CHSY1: variants seen among roughly 807,000 people sequenced by gnomAD.
CHSY1 encodes the protein N-acetylgalactosaminyl-proteoglycan 3-beta-glucuronosyltransferase 1.
Under a neutral mutation model 59.8 loss-of-function variants are expected in CHSY1, and 13 were observed. The ratio of observed to expected loss-of-function variants is 0.22; its 90% CI spans 0.14 to 0.35. The LOEUF is 0.35. CHSY1 is among the 10% of genes least tolerant of loss of function. CHSY1 has a pLI of 1.00. For missense variants in CHSY1, 947 were observed against 1,030.6 expected, an observed-to-expected ratio of 0.92 and a Z score of 1.11; for synonymous variants, 459 against 401.2, an observed-to-expected ratio of 1.14 and a Z score of -1.72.
Position 101,178,638 on chromosome 15 carries a change from C to A in CHSY1, c.1159G>T (p.Ala387Ser). 1 of 1,614,214 alleles carries A rather than the reference C, an allele frequency of 6.2e-7. No homozygotes were observed. The highest frequency in any genetic ancestry group is 8.5e-7 in the Non-Finnish European group (1 of 1,180,028). ...EFLTGKYLYS[A>S]VDGQPPRRGM... Reference sequence around the variant, plus strand: ...CTTCGAGGGGGCTGGCCGTCAACTGCCGAATACAAGTATTTTCCAGTCAGA... The same window carrying A: ...CTTCGAGGGGGCTGGCCGTCAACTGACGAATACAAGTATTTTCCAGTCAGA... Residue 387 changes from alanine (A) to serine (S), a missense_variant, in exon 3 of 3, where the codon GCA becomes TCA. Around this residue, in one of 4 missense-constraint regions of CHSY1, gnomAD observed 602 missense variants for 676.9 expected, o/e 0.89. Coordinates refer to ENST00000254190, the MANE Select transcript of CHSY1 (RefSeq NM_014918.5).
intron 1 of CHSY1, among the ~76,000 whole-genome samples, chr15:101,243,837 T>C (rs1157882739): frequency 6.6e-6 from 1 of 152,228 alleles, no homozygotes; most frequent in Non-Finnish European, 1.5e-5. Flanking sequence ...TCTGGATCCG[T>C]GTGCGCCTCT....
chr15:101,251,084 C>A (rs957623935), intron 1 of CHSY1, 53 bp downstream of exon 1: 10 of 1,503,794 alleles, frequency 6.6e-6, no homozygotes, highest in Middle Eastern at 3.6e-4. Flanking sequence ...CCCGGGATGC[C>A]GGCCGCCGGG....
Position 101,176,232 on chromosome 15 carries a change from A to T in CHSY1, c.*1156T>A. 2.5e-6 allele frequency: 1 copy of T among 398,634 alleles called. No individual in the cohort carries two copies. The highest frequency in any genetic ancestry group is 4.4e-6 in the Non-Finnish European group (1 of 225,998). The allele number at this position is 398,634 out of a possible 1,614,324, so 24.7% of individuals were successfully genotyped here. On this transcript the variant is annotated 3_prime_UTR_variant, in exon 3 of 3. Coordinates refer to ENST00000254190, the MANE Select transcript of CHSY1 (RefSeq NM_014918.5). ...GAGCTCTGAACAACAGATATTAAAT[A>T]AATTAAAGGTATTTCAGATACAAAG...
intron 2 of CHSY1, among the ~76,000 whole-genome samples, chr15:101,186,111 A>G (rs1348548347): frequency 2.1e-5 from 3 of 145,974 alleles, no homozygotes; most frequent in African/African-American, 7.6e-5. Context: ...GGAGTTCCAG[A>G]CCAGTCTGGG....
intron 2 of CHSY1, among the ~76,000 whole-genome samples, chr15:101,181,510 G>T (rs1292371168): frequency 6.6e-6 from 1 of 152,228 alleles, no homozygotes; most frequent in Non-Finnish European, 1.5e-5. Context: ...ACAGTCTGAA[G>T]CATGTGCTGT....
At chr15:101,185,227 A>G (rs2038340443) in intron 2 of CHSY1, among the ~76,000 whole-genome samples, 1 of 152,254 alleles carries the variant, frequency 6.6e-6, no homozygotes, top group African/African-American at 2.4e-5. Flanking sequence ...TAAGAACAGG[A>G]AATGTGAAAT....
chr15:101,249,110 C>T (rs1361268532), intron 1 of CHSY1, among the ~76,000 whole-genome samples: 1 of 151,796 alleles, frequency 6.6e-6, no homozygotes, highest in East Asian at 1.9e-4. Flanking sequence ...GCCTGCATTA[C>T]ATTTTCTGAG....
At chr15:101,231,691 C>T (rs2038894497) in intron 2 of CHSY1, among the ~76,000 whole-genome samples, 1 of 152,204 alleles carries the variant, frequency 6.6e-6, no homozygotes, top group African/African-American at 2.4e-5. Context: ...ACCCTTGCGA[C>T]CTATGCACTT....
In CHSY1 at chr15:101,178,384, C is replaced by T. The variant is rs775599762; in HGVS notation, c.1413G>A (p.Ala471=). The change falls in exon 3 of 3, where the codon GCG becomes GCA. Residue 471 remains alanine (A), a synonymous_variant. Transcript: ENST00000254190. ...KKMTVPVRRH[A]YLQQTFSKIQ... ...TTTTGCTGAAAGTCTGCTGTAAATA[C>T]GCGTGCCTCCTCACAGGGACCGTCA... 8 of 1,611,230 alleles carry T rather than the reference C, an allele frequency of 5.0e-6. No homozygotes were observed. Among genetic ancestry groups the T allele is most frequent in the East Asian group, 2.2e-5 (1 of 44,820 alleles).
intron 2 of CHSY1, among the ~76,000 whole-genome samples, chr15:101,190,919 C>T (rs1047796797): frequency 6.6e-6 from 1 of 152,008 alleles, no homozygotes; most frequent in Non-Finnish European, 1.5e-5. Context: ...AGGAGCGACG[C>T]GAAATGCTGG....
At chr15:101,180,561 T>C (rs191097063) in intron 2 of CHSY1, among the ~76,000 whole-genome samples, 40 of 152,280 alleles carry the variant, frequency 2.6e-4, no homozygotes, top group Middle Eastern at 3.4e-3. Flanking sequence ...GGGCACACTT[T>C]ATATGGAATT....
chr15:101,182,375 T>G (rs969591441), intron 2 of CHSY1, among the ~76,000 whole-genome samples: 8 of 152,196 alleles, frequency 5.3e-5, no homozygotes, highest in African/African-American at 1.9e-4. Context: ...AAGCCTACAT[T>G]TGCACCAGCT....
intron 2 of CHSY1, among the ~76,000 whole-genome samples, chr15:101,229,478 A>G (rs2038872050): frequency 6.6e-6 from 1 of 152,256 alleles, no homozygotes; most frequent in Non-Finnish European, 1.5e-5. Context: ...AAGGAATTTT[A>G]TAATGATAAA....
At chr15:101,187,926 C>G in intron 2 of CHSY1, 1 of 657,700 alleles carries the variant, frequency 1.5e-6, no homozygotes, top group Non-Finnish European at 1.9e-6. Flanking sequence ...ACGCTATTCC[C>G]AGGAACTTCT....
intron 1 of CHSY1, among the ~76,000 whole-genome samples, chr15:101,245,626 C>A (rs765410831): frequency 6.6e-6 from 1 of 152,192 alleles, no homozygotes; most frequent in Non-Finnish European, 1.5e-5. Context: ...GAAACAGTCA[C>A]GCACAATCCG....
At chr15:101,215,138 T>G (rs2038718897) in intron 2 of CHSY1, among the ~76,000 whole-genome samples, 1 of 152,200 alleles carries the variant, frequency 6.6e-6, no homozygotes, top group Admixed American at 6.5e-5. Flanking sequence ...CTGTACTGCC[T>G]GCAGAACCAT....
chr15:101,238,809 A>G (rs1159357102), intron 1 of CHSY1, among the ~76,000 whole-genome samples: 1 of 152,260 alleles, frequency 6.6e-6, no homozygotes, highest in African/African-American at 2.4e-5. Context: ...TGTTCTAGGT[A>G]CTGCACTTCA....
intron 2 of CHSY1, among the ~76,000 whole-genome samples, chr15:101,219,847 AC>A (rs2038771409): frequency 6.6e-6 from 1 of 152,086 alleles, no homozygotes; most frequent in African/African-American, 2.4e-5. Context: ...GCTCACAGCA[AC>A]CTCCACCTCC....
chr15:101,223,109 T>A (rs1291772413), intron 2 of CHSY1, among the ~76,000 whole-genome samples: 1 of 152,220 alleles, frequency 6.6e-6, no homozygotes, highest in African/African-American at 2.4e-5. Context: ...TTTTCCTGCC[T>A]CAGCCTCCCG....
Sources: allele counts gnomAD v4.1 joint callset (sites outside exome capture counted in the v4.1 genomes callset), GRCh38; gene constraint gnomAD v4.1.1; regional missense constraint gnomAD v4.1.1; transcripts MANE v1.5; gene names NCBI Gene and HGNC (gene_info 2026-07-23, HGNC 2026-07-21).